Variants in GJB7 observed in about 807,000 individuals in gnomAD.
GJB7 encodes gap junction protein beta 7, also known as gap junction beta-7 protein.
For missense variants in GJB7, 253 were observed against 256.8 expected, an observed-to-expected ratio of 0.99 and a Z score of 0.10; for synonymous variants, 87 against 95.2, an observed-to-expected ratio of 0.91 and a Z score of 0.50.
intron 2 of GJB7, among the ~76,000 whole-genome samples, chr6:87,295,171 C>A (rs2127900514): frequency 6.6e-6 from 1 of 151,756 alleles, no homozygotes; most frequent in Non-Finnish European, 1.5e-5. Context: ...GGGAAAAAAA[C>A]AACTACCTTT....
At chr6:87,299,248 G>A (rs907347901) in intron 2 of GJB7, 2 of 463,126 alleles carry the variant, frequency 4.3e-6, no homozygotes, top group African/African-American at 4.0e-5. Flanking sequence ...GACAACCCCT[G>A]GAGAAATTGC....
chr6:87,309,888 G>T (rs942492149), intron 2 of GJB7, among the ~76,000 whole-genome samples: 2 of 152,146 alleles, frequency 1.3e-5, no homozygotes, highest in African/African-American at 4.8e-5. Flanking sequence ...GGTTGTCTGT[G>T]CTATGAGCAT....
intron 2 of GJB7, among the ~76,000 whole-genome samples, chr6:87,292,979 T>C (rs1394933736): frequency 6.6e-6 from 1 of 152,242 alleles, no homozygotes; most frequent in Non-Finnish European, 1.5e-5. Context: ...ATTCCATATA[T>C]CCATATATGC....
At chr6:87,295,642 G>A (rs372883441) in intron 2 of GJB7, among the ~76,000 whole-genome samples, 6 of 152,142 alleles carry the variant, frequency 3.9e-5, no homozygotes. Flanking sequence ...AAATGAAAAT[G>A]TGAGTCTTGA....
In GJB7 at chr6:87,301,244, G is replaced by A. The variant is rs575527996; in HGVS notation, c.-27-16305C>T. Among the ~76,000 whole-genome samples, 29 of 152,258 alleles carry A rather than the reference G, an allele frequency of 1.9e-4. 1 individual carries two copies. The highest frequency in any genetic ancestry group is 2.9e-4 in the Non-Finnish European group (20 of 68,010). ...AGCAGGGTGAGGCATCGCCTCACCC[G>A]GGAAGCACAAGGGGTCAGGGAATTC... is the stretch of plus-strand genomic sequence containing the variant. On this transcript the variant is annotated intron_variant, in intron 2 of 2. Transcript: ENST00000525899.
At chr6:87,301,915 A>G (rs1776334571) in intron 2 of GJB7, among the ~76,000 whole-genome samples, 2 of 152,246 alleles carry the variant, frequency 1.3e-5, no homozygotes, top group Non-Finnish European at 2.9e-5. Flanking sequence ...ACCCAGGCAA[A>G]CAGGGTCAGG....
intron 2 of GJB7, among the ~76,000 whole-genome samples, chr6:87,314,324 C>T (rs1776552693): frequency 6.6e-6 from 1 of 152,178 alleles, no homozygotes; most frequent in Non-Finnish European, 1.5e-5. Flanking sequence ...TCACACGGGC[C>T]CCTCTCTATC....
intron 2 of GJB7, among the ~76,000 whole-genome samples, chr6:87,297,488 C>T (rs6939075): frequency 0.39 from 59,726 of 151,838 alleles, 12,057 homozygotes; most frequent in Admixed American, 0.52. Context: ...ATTGATCATT[C>T]CCAGTGTAAA....
At chr6:87,294,624 T>A (rs1394500768) in intron 2 of GJB7, among the ~76,000 whole-genome samples, 1 of 152,218 alleles carries the variant, frequency 6.6e-6, no homozygotes, top group Non-Finnish European at 1.5e-5. Context: ...TTTGCACTGG[T>A]TAGAGGCAGT....
rs1320737489 is a variant in GJB7, at chr6:87,283,513, C to T, written c.*728G>A. The T allele has an allele frequency of 6.6e-6, 1 of 152,280 alleles. No individual in the cohort carries two copies. The highest frequency in any genetic ancestry group is 1.5e-5 in the Non-Finnish European group (1 of 68,088). 9.4% of individuals were successfully genotyped at this position (152,280 alleles called of 1,614,324 possible). A position where few individuals can be genotyped will look rare whatever the true frequency, so the allele number is the denominator to read the frequency against. ...TGAAATGATAGCTTTCCTCCCTCTC[C>T]TCTAATCCACTTATATCCAAGGATC... On this transcript the variant is annotated 3_prime_UTR_variant, in exon 3 of 3. Coordinates refer to ENST00000525899, the MANE Select transcript of GJB7 (RefSeq NM_198568.3).
intron 1 of GJB7, among the ~76,000 whole-genome samples, chr6:87,328,381 T>C (rs1776892566): frequency 6.6e-6 from 1 of 152,056 alleles, no homozygotes. Context: ...ATCTTTGTGG[T>C]TTTATCTACT....
intron 2 of GJB7, among the ~76,000 whole-genome samples, chr6:87,307,648 G>C (rs1776452570): frequency 6.6e-6 from 1 of 152,204 alleles, no homozygotes; most frequent in South Asian, 2.1e-4. Flanking sequence ...CTGGACATCA[G>C]AGAAATACAA....
chr6:87,295,922 C>T (rs1387038794), intron 2 of GJB7, among the ~76,000 whole-genome samples: 1 of 152,224 alleles, frequency 6.6e-6, no homozygotes, highest in Non-Finnish European at 1.5e-5. Flanking sequence ...ATCAATTTAG[C>T]TACCACTGCC....
intron 2 of GJB7, among the ~76,000 whole-genome samples, chr6:87,314,275 C>T (rs116344502): frequency 0.012 from 1,791 of 152,244 alleles, 34 homozygotes; most frequent in African/African-American, 0.04. Flanking sequence ...CCTCCCTACC[C>T]AAGGGTGTGG....
At chr6:87,285,098 A>G (rs891528887) in intron 2 of GJB7, among the ~76,000 whole-genome samples, 159 bp from the exon 3 acceptor site, 1 of 152,222 alleles carries the variant, frequency 6.6e-6, no homozygotes, top group Admixed American at 6.5e-5. Flanking sequence ...GCTGTCTTAC[A>G]TACAAGGAGA....
At chr6:87,296,938 A>T (rs1776255644) in intron 2 of GJB7, among the ~76,000 whole-genome samples, 1 of 152,222 alleles carries the variant, frequency 6.6e-6, no homozygotes, top group African/African-American at 2.4e-5. Context: ...AGGTAGATTT[A>T]CCCTGAAGCT....
At chr6:87,304,472 C>G (rs1288838492) in intron 2 of GJB7, among the ~76,000 whole-genome samples, 1 of 152,030 alleles carries the variant, frequency 6.6e-6, no homozygotes. Context: ...AAGACTAAAC[C>G]AGGAAGAAGT....
At chr6:87,296,444 C>T (rs1367647433) in intron 2 of GJB7, among the ~76,000 whole-genome samples, 1 of 152,100 alleles carries the variant, frequency 6.6e-6, no homozygotes, top group African/African-American at 2.4e-5. Context: ...ATATATGAAA[C>T]ATAAATATGG....
intron 2 of GJB7, among the ~76,000 whole-genome samples, chr6:87,289,350 T>A (rs9353473): frequency 0.53 from 80,431 of 152,048 alleles, 21,618 homozygotes; most frequent in Admixed American, 0.62. Flanking sequence ...ACAGACCACA[T>A]GTTCTTTAAG....
Sources: allele counts gnomAD v4.1 joint callset (sites outside exome capture counted in the v4.1 genomes callset), GRCh38; gene constraint gnomAD v4.1.1; transcripts MANE v1.5; gene names NCBI Gene and HGNC (gene_info 2026-07-23, HGNC 2026-07-21).